Variants in SGCD observed in about 807,000 individuals in gnomAD.
SGCD encodes delta-sarcoglycan.
In SGCD, 18 loss-of-function variants were observed where a neutral mutation model predicts 36.6. That is an observed-to-expected ratio of 0.49 (90% CI 0.34 to 0.73). The LOEUF is 0.73. SGCD is among the 30% of genes least tolerant of loss of function. The pLI is 0.01. For synonymous variants in SGCD, 133 were observed against 130.6 expected (o/e 1.02, Z -0.12); for missense variants, 387 against 346.7 (o/e 1.12, Z -0.92).
In SGCD at chr5:156,292,959, T is replaced by A. The variant is rs1228480901; in HGVS notation, c.-43-36575T>A. ...AATTTTGAGTTACTTTGTTTATTTT[T>A]AAGTTACTGAGTTTTAGGAGTTCTC... On this transcript the variant is annotated intron_variant, in intron 3 of 9. Transcript: ENST00000517913. Among the ~76,000 whole-genome samples the A allele has an allele frequency of 2.6e-5, 4 of 152,272 alleles. No homozygotes were observed. In the East Asian group the frequency reaches 7.7e-4, roughly 29 times the overall value.
intron 6 of SGCD, among the ~76,000 whole-genome samples, chr5:156,631,490 T>C (rs1238832913): frequency 1.3e-5 from 2 of 149,196 alleles, no homozygotes; most frequent in Non-Finnish European, 3.0e-5. Flanking sequence ...AAAAAGATAA[T>C]TGGTTCAACA....
upstream of SGCD, among the ~76,000 whole-genome samples, chr5:155,867,511 A>C (rs920974951): frequency 6.6e-6 from 1 of 152,230 alleles, no homozygotes; most frequent in Admixed American, 6.5e-5. Context: ...AAAACAATTC[A>C]CATGTGGCAT....
chr5:156,046,147 C>T (rs1363090207), intron 1 of SGCD, among the ~76,000 whole-genome samples: 2 of 152,088 alleles, frequency 1.3e-5, no homozygotes, highest in East Asian at 1.9e-4. Context: ...CAGCTATAGT[C>T]ATTTTGGCCT....
At chr5:156,204,518 T>C (rs1383788368) in intron 3 of SGCD, among the ~76,000 whole-genome samples, 3 of 150,908 alleles carry the variant, frequency 2.0e-5, no homozygotes, top group African/African-American at 7.3e-5. Context: ...TCATGTGAAC[T>C]AGAGTGATTT....
intron 1 of SGCD, among the ~76,000 whole-genome samples, chr5:155,976,064 T>C (rs1471666722): frequency 2.0e-5 from 3 of 152,164 alleles, no homozygotes; most frequent in Admixed American, 1.3e-4. Flanking sequence ...ATTTTAAACA[T>C]ACAAAACAGT....
intron 1 of SGCD, among the ~76,000 whole-genome samples, chr5:155,940,878 A>C (rs540396687): frequency 1.8e-3 from 266 of 151,980 alleles, no homozygotes; most frequent in African/African-American, 5.5e-3. Context: ...ACAACAACAA[A>C]AAAAACATTA....
At chr5:156,375,213 C>T (rs776887351) in intron 3 of SGCD, among the ~76,000 whole-genome samples, 5 of 152,054 alleles carry the variant, frequency 3.3e-5, no homozygotes, top group Non-Finnish European at 7.4e-5. Flanking sequence ...TTTTAAAAAA[C>T]GATCTGAAGG....
chr5:155,755,148 G>C, the SGCD span, among the ~76,000 whole-genome samples: 1 of 152,252 alleles, frequency 6.6e-6, no homozygotes, highest in Non-Finnish European at 1.5e-5. Context: ...TTCACCATGA[G>C]ATGTTATCAT....
At position 156,417,686 on chromosome 5, in the gene SGCD, A is replaced by G. The variant is rs369710837; in HGVS notation, c.192+73009A>G. Among the ~76,000 whole-genome samples the G allele has an allele frequency of 9.2e-5, 14 of 152,084 alleles. No individual in the cohort carries two copies. In the South Asian group the frequency reaches 1.2e-3, roughly 14 times the overall value. On this transcript the variant is annotated intron_variant, in intron 3 of 8. Coordinates refer to ENST00000337851, the MANE Select transcript of SGCD (RefSeq NM_000337.6). The stretch of plus-strand genomic sequence containing the variant: ...CTTACAGGGGCACCAATTCTGTCAG[A>G]TCAGGGCTCTACCATTATGACCTCA...
intron 3 of SGCD, among the ~76,000 whole-genome samples, chr5:156,351,055 G>A (rs1260890684): frequency 2.0e-5 from 3 of 152,124 alleles, no homozygotes; most frequent in East Asian, 3.9e-4. Flanking sequence ...CCAACCCTGT[G>A]TCATAGGTCA....
At chr5:156,185,363 C>T (rs557238080) in intron 3 of SGCD, among the ~76,000 whole-genome samples, 40 of 151,778 alleles carry the variant, frequency 2.6e-4, no homozygotes, top group Non-Finnish European at 4.4e-4. Context: ...TACAGGCGCC[C>T]GCCACCATGC....
chr5:156,564,776 TTAACA>T (rs1190438745), intron 4 of SGCD, among the ~76,000 whole-genome samples: 1 of 152,228 alleles, frequency 6.6e-6, no homozygotes, highest in Non-Finnish European at 1.5e-5. Flanking sequence ...CCTATTTCAG[TTAACA>T]TAATGTCCTC....
chr5:156,348,151 G>T (rs568381094), intron 3 of SGCD, among the ~76,000 whole-genome samples: 5 of 152,114 alleles, frequency 3.3e-5, no homozygotes, highest in Non-Finnish European at 7.4e-5. Context: ...AAAGAATGAG[G>T]TATTAAGCAC....
chr5:156,453,065 A>G (rs1272426384), intron 3 of SGCD, among the ~76,000 whole-genome samples: 1 of 152,192 alleles, frequency 6.6e-6, no homozygotes, highest in African/African-American at 2.4e-5. Context: ...ATTGTATTCT[A>G]AAAATGTCAT....
At chr5:156,611,284 T>C (rs145392014) in intron 6 of SGCD, among the ~76,000 whole-genome samples, 111 of 152,330 alleles carry the variant, frequency 7.3e-4, no homozygotes, top group Middle Eastern at 6.8e-3. Context: ...GGCACTCCCT[T>C]AAGGATTTTT....
the SGCD span, among the ~76,000 whole-genome samples, chr5:155,747,199 G>C: frequency 6.6e-6 from 1 of 152,148 alleles, no homozygotes; most frequent in African/African-American, 2.4e-5. Flanking sequence ...AAATTTAAAA[G>C]GAAAGAAATT....
intron 3 of SGCD, among the ~76,000 whole-genome samples, chr5:156,195,854 C>T (rs1274902715): frequency 2.0e-5 from 3 of 152,154 alleles, no homozygotes; most frequent in African/African-American, 7.2e-5. Flanking sequence ...AACTGTAGCT[C>T]ATCAAGGGCC....
intron 3 of SGCD, among the ~76,000 whole-genome samples, chr5:156,422,642 A>G (rs1206493991): frequency 6.6e-6 from 1 of 152,006 alleles, no homozygotes. Flanking sequence ...TTATATATAA[A>G]GCAGGGTTTC....
In SGCD at chr5:156,537,459, CCACACACACACACA is replaced by C. The variant is rs769070218; in HGVS notation, c.294+28792_294+28805del. Among the ~76,000 whole-genome samples, 1,712 of 125,886 alleles carry C rather than the reference CCACACACACACACA, an allele frequency of 0.014. 86 individuals carry two copies. The East Asian group carries it at 0.18, about 13-fold the overall frequency. The allele number at this position is 125,886 out of a possible 152,430, so 82.6% of individuals were successfully genotyped here. A position where few individuals can be genotyped will look rare whatever the true frequency, so the allele number is the denominator to read the frequency against. On this transcript the variant is annotated intron_variant, in intron 4 of 8. Coordinates refer to ENST00000337851, the MANE Select transcript of SGCD (RefSeq NM_000337.6). ...TGGGCTTGAGGTTAGAAGGTAGCAGCCACACACACACACACACACACACACACACACACACACAC... is the reference window on the plus strand; with the variant it reads ...TGGGCTTGAGGTTAGAAGGTAGCAGCCACACACACACACACACACACACAC...
Sources: gnomAD v4.1 joint callset for allele counts (sites outside exome capture counted in the v4.1 genomes callset) on GRCh38, gnomAD v4.1.1 for gene constraint, MANE v1.5 for transcripts, NCBI Gene and HGNC (gene_info 2026-07-23, HGNC 2026-07-21) for gene names.